The following DLG1 variants were observed in gnomAD, a reference collection of about 807,000 sequenced individuals.
DLG1 encodes discs large MAGUK scaffold protein 1, also known as disks large homolog 1.
Under a neutral mutation model 123.4 loss-of-function variants are expected in DLG1, and 42 were observed. The observed-to-expected ratio is 0.34, with a 90% CI of 0.27 to 0.44. DLG1 has a LOEUF of 0.44. Ranked by LOEUF, DLG1 falls within the 20% of genes least tolerant of loss-of-function variation. DLG1 has a pLI of 1.00. For synonymous variants in DLG1, 317 were observed against 356.2 expected (o/e 0.89, Z 1.24); for missense variants, 942 against 1,082.6 (o/e 0.87, Z 1.82).
At chr3:197,270,619 C>T (rs752590935) in intron 4 of DLG1, among the ~76,000 whole-genome samples, 4 of 151,942 alleles carry the variant, frequency 2.6e-5, no homozygotes, top group Non-Finnish European at 5.9e-5. Context: ...CAATGATCAC[C>T]AATGGGGGGA....
chr3:197,112,575 C>A (rs558369517), intron 13 of DLG1, among the ~76,000 whole-genome samples: 1 of 151,850 alleles, frequency 6.6e-6, no homozygotes, highest in East Asian at 1.9e-4. Context: ...GTGTGGCTTG[C>A]CTATTTGGTT....
chr3:197,059,050 C>G (rs1012349955), intron 23 of DLG1, among the ~76,000 whole-genome samples: 5 of 152,172 alleles, frequency 3.3e-5, no homozygotes, highest in Non-Finnish European at 7.4e-5. Context: ...CTCAGCATCC[C>G]GAGTAGCTGG....
intron 4 of DLG1, among the ~76,000 whole-genome samples, chr3:197,232,070 G>A (rs1228895294): frequency 1.3e-5 from 2 of 152,172 alleles, no homozygotes; most frequent in Non-Finnish European, 2.9e-5. Context: ...TTTGCTTTGT[G>A]TATTACTATT....
intron 13 of DLG1, among the ~76,000 whole-genome samples, chr3:197,110,564 C>T (rs539813041): frequency 3.3e-5 from 5 of 152,140 alleles, no homozygotes; most frequent in South Asian, 2.1e-4. Flanking sequence ...CTTTTCTTTC[C>T]GCTTGTCTCA....
At chr3:197,077,514 C>T (rs923961262) in intron 17 of DLG1, among the ~76,000 whole-genome samples, 3 of 152,108 alleles carry the variant, frequency 2.0e-5, no homozygotes, top group Non-Finnish European at 2.9e-5. Flanking sequence ...AAAAAGTACA[C>T]ATAAATAATG....
intron 14 of DLG1, among the ~76,000 whole-genome samples, chr3:197,097,450 T>A (rs1271797177): frequency 6.6e-6 from 1 of 152,156 alleles, no homozygotes; most frequent in Non-Finnish European, 1.5e-5. Context: ...TCATAGGATA[T>A]CTTTCATCTT....
At chr3:197,167,137 A>G (rs1463925765) in intron 5 of DLG1, among the ~76,000 whole-genome samples, 1 of 152,186 alleles carries the variant, frequency 6.6e-6, no homozygotes. Flanking sequence ...CATCCACTGA[A>G]TAAAATAGGA....
intron 13 of DLG1, among the ~76,000 whole-genome samples, chr3:197,108,954 T>C (rs1433631031): frequency 6.6e-6 from 1 of 152,236 alleles, no homozygotes; most frequent in Admixed American, 6.5e-5. Context: ...GCATTATTTT[T>C]ATATTAAATA....
chr3:197,218,772 C>A (rs1341789321), intron 4 of DLG1, among the ~76,000 whole-genome samples: 1 of 152,206 alleles, frequency 6.6e-6, no homozygotes, highest in Non-Finnish European at 1.5e-5. Context: ...CCACTTAACA[C>A]AACATACCTT....
At chr3:197,296,322 T>C (rs1777345421) in intron 3 of DLG1, 24 bp downstream of exon 3, 5 of 1,606,080 alleles carry the variant, frequency 3.1e-6, no homozygotes, top group East Asian at 4.5e-5. Context: ...GCTGGCATAA[T>C]AGTTACGAAG....
chr3:197,230,376 A>T (rs985850047), intron 4 of DLG1, among the ~76,000 whole-genome samples: 13 of 152,202 alleles, frequency 8.5e-5, no homozygotes, highest in African/African-American at 3.1e-4. Context: ...AAAGGGTTAA[A>T]ATACAAGAGC....
At chr3:197,235,612 C>T (rs1404489024) in intron 4 of DLG1, among the ~76,000 whole-genome samples, 1 of 152,194 alleles carries the variant, frequency 6.6e-6, no homozygotes, top group East Asian at 1.9e-4. Context: ...TTTTAAAAAG[C>T]TTTAAAAAGT....
intron 4 of DLG1, among the ~76,000 whole-genome samples, chr3:197,253,252 T>C (rs889319418): frequency 6.6e-6 from 1 of 152,104 alleles, no homozygotes; most frequent in Non-Finnish European, 1.5e-5. Flanking sequence ...AATTCGAATA[T>C]GGGCAAAAGA....
chr3:197,285,851 T>C (rs1447778432), intron 3 of DLG1, among the ~76,000 whole-genome samples: 1 of 152,216 alleles, frequency 6.6e-6, no homozygotes, highest in Non-Finnish European at 1.5e-5. Flanking sequence ...ATACTATATA[T>C]GCTCCAGCAA....
intron 5 of DLG1, 72 bp from the exon 6 acceptor site, chr3:197,149,868 G>T: frequency 1.2e-6 from 1 of 869,428 alleles, no homozygotes; most frequent in Non-Finnish European, 1.9e-6. Context: ...AATGTTAGAG[G>T]CATAGGAAAG....
intron 3 of DLG1, among the ~76,000 whole-genome samples, chr3:197,294,697 A>G (rs1435822543): frequency 2.0e-5 from 3 of 151,458 alleles, no homozygotes; most frequent in Admixed American, 2.0e-4. Context: ...AGCTAACTCT[A>G]TCAAAGTTCA....
intron 3 of DLG1, among the ~76,000 whole-genome samples, chr3:197,285,020 TTATC>T (rs1489679271): frequency 8.5e-4 from 120 of 142,004 alleles, no homozygotes; most frequent in South Asian, 1.3e-3. Flanking sequence ...AGAATCATTC[TTATC>T]TATTAAAAAA....
In DLG1 at chr3:197,243,913, T is replaced by G. The variant is rs6769790; in HGVS notation, c.318+38766A>C. Reference sequence around the variant, plus strand: ...GGACCCACGAGGGACATCTCTTGTTTTACGATGTTTTATCTTTTCTGGTTG... The same window carrying G: ...GGACCCACGAGGGACATCTCTTGTTGTACGATGTTTTATCTTTTCTGGTTG... On this transcript the variant is annotated intron_variant, in intron 4 of 24. Coordinates refer to ENST00000667157, the MANE Select transcript of DLG1 (RefSeq NM_001366207.1). Among the ~76,000 whole-genome samples the G allele has an allele frequency of 8.5e-3, 1,287 of 152,304 alleles. 18 individuals carry two copies. Among genetic ancestry groups the G allele is most frequent in the African/African-American group, 0.029 (1,220 of 41,572 alleles).
At chr3:197,192,386 A>C (rs1720085663) in intron 5 of DLG1, among the ~76,000 whole-genome samples, 1 of 152,178 alleles carries the variant, frequency 6.6e-6, no homozygotes, top group South Asian at 2.1e-4. Flanking sequence ...CTAGAAAAGA[A>C]GGCTGGTAAT....
Sources: gnomAD v4.1 joint callset for allele counts (sites outside exome capture counted in the v4.1 genomes callset) on GRCh38, gnomAD v4.1.1 for gene constraint, MANE v1.5 for transcripts, NCBI Gene and HGNC (gene_info 2026-07-23, HGNC 2026-07-21) for gene names.